Variants in LHCGR observed in about 807,000 individuals in gnomAD.
LHCGR encodes the protein lutropin-choriogonadotropic hormone receptor.
Under a neutral mutation model 60.7 loss-of-function variants are expected in LHCGR, and 55 were observed. The observed-to-expected ratio is 0.91, with a 90% CI of 0.73 to 1.13. LHCGR has a LOEUF of 1.13. Ranked by LOEUF, LHCGR falls within the 50% of genes most tolerant of loss-of-function variation. The pLI is 0.00. For synonymous variants in LHCGR, 337 were observed against 316.5 expected (o/e 1.06, Z -0.69); for missense variants, 862 against 836.0 (o/e 1.03, Z -0.38).
intron 1 of LHCGR, among the ~76,000 whole-genome samples, chr2:48,749,082 G>C (rs1035810845): frequency 4.6e-5 from 7 of 152,216 alleles, no homozygotes; most frequent in African/African-American, 1.7e-4. Flanking sequence ...TGTAACAGCA[G>C]CAAGGAATTA....
rs942146751 is a variant in LHCGR, at chr2:48,686,924, A to G, written c.*773T>C. The G allele has an allele frequency of 1.3e-5, 2 of 152,222 alleles. No individual in the cohort carries two copies. The highest frequency in any genetic ancestry group is 4.8e-5 in the African/African-American group (2 of 41,460). The allele number at this position is 152,222 out of a possible 1,614,324, so 9.4% of individuals were successfully genotyped here. On this transcript the variant is annotated 3_prime_UTR_variant, in exon 11 of 11. Coordinates refer to ENST00000294954, the MANE Select transcript of LHCGR (RefSeq NM_000233.4). Reference sequence around the variant, plus strand: ...TTGCCAAGATCTTGAGGTAGGAAGCAGGAAAACAAAATGCACTGAGACAGG... The same window carrying G: ...TTGCCAAGATCTTGAGGTAGGAAGCGGGAAAACAAAATGCACTGAGACAGG...
At chr2:48,747,000 A>G (rs1032739686) in intron 1 of LHCGR, among the ~76,000 whole-genome samples, 4 of 152,176 alleles carry the variant, frequency 2.6e-5, no homozygotes, top group African/African-American at 9.6e-5. Flanking sequence ...CCTCTTTCCC[A>G]ACACTTAAAA....
At chr2:48,705,483 A>G (rs1009111682) in intron 8 of LHCGR, among the ~76,000 whole-genome samples, 5 of 152,182 alleles carry the variant, frequency 3.3e-5, no homozygotes, top group African/African-American at 1.2e-4. Context: ...TAGTATTGAC[A>G]GTTGGATGTT....
At chr2:48,701,361 C>T (rs1572830608) in intron 8 of LHCGR, among the ~76,000 whole-genome samples, 3 of 152,280 alleles carry the variant, frequency 2.0e-5, no homozygotes, top group African/African-American at 7.2e-5. Context: ...TGCCACGTCT[C>T]TGTCCTTATA....
chr2:48,703,156 T>C (rs1460365366), intron 8 of LHCGR, among the ~76,000 whole-genome samples: 1 of 152,252 alleles, frequency 6.6e-6, no homozygotes, highest in Non-Finnish European at 1.5e-5. Flanking sequence ...AAGTTCTTTG[T>C]AGATTCTGGA....
intron 8 of LHCGR, among the ~76,000 whole-genome samples, chr2:48,701,730 G>T (rs1345709436): frequency 6.6e-6 from 1 of 152,182 alleles, no homozygotes; most frequent in Non-Finnish European, 1.5e-5. Flanking sequence ...GAAGGCAGAA[G>T]TGTTTGTCTC....
At chr2:48,714,733 C>T (rs1021661831) in intron 6 of LHCGR, among the ~76,000 whole-genome samples, 1 of 149,402 alleles carries the variant, frequency 6.7e-6, no homozygotes, top group African/African-American at 2.5e-5. Flanking sequence ...TGGTATATAC[C>T]TATAAATACA....
intron 9 of LHCGR, among the ~76,000 whole-genome samples, chr2:48,697,511 T>C (rs541664917): frequency 6.6e-6 from 1 of 152,252 alleles, no homozygotes; most frequent in Non-Finnish European, 1.5e-5. Flanking sequence ...TAATGGCACA[T>C]GACTCTGTGA....
rs1668980282 is a variant in LHCGR, at chr2:48,731,395, C to G, written c.162-97G>C. 8.3e-5 allele frequency: 64 copies of G among 773,840 alleles called. No individual in the cohort carries two copies. In the East Asian group the frequency reaches 1.6e-3, roughly 19 times the overall value. The allele number at this position is 773,840 out of a possible 1,614,324, so 47.9% of individuals were successfully genotyped here. On this transcript the variant is annotated intron_variant, in intron 1 of 10. Coordinates refer to ENST00000294954, the MANE Select transcript of LHCGR (RefSeq NM_000233.4). Reference sequence around the variant, plus strand: ...TGGGTATGTGTATGTGTGTGAGAGACAGAGACTTCAGAGTTCCCAAGAACT... The same window carrying G: ...TGGGTATGTGTATGTGTGTGAGAGAGAGAGACTTCAGAGTTCCCAAGAACT...
chr2:48,740,750 A>G (rs1487596924), intron 1 of LHCGR, among the ~76,000 whole-genome samples: 1 of 152,212 alleles, frequency 6.6e-6, no homozygotes, highest in Non-Finnish European at 1.5e-5. Flanking sequence ...GAAAAAACAG[A>G]GCAGAAAAAC....
chr2:48,743,635 AT>A (rs1367502137), intron 1 of LHCGR, among the ~76,000 whole-genome samples: 2 of 152,218 alleles, frequency 1.3e-5, no homozygotes, highest in African/African-American at 4.8e-5. Flanking sequence ...CTTTGACAAA[AT>A]TCAACAACCC....
chr2:48,702,064 G>C (rs1430618181), intron 8 of LHCGR, among the ~76,000 whole-genome samples: 2 of 142,602 alleles, frequency 1.4e-5, no homozygotes, highest in Non-Finnish European at 2.9e-5. Flanking sequence ...TGCTAGAGTA[G>C]GGTGTCGTGG....
At chr2:48,693,164 AG>A (rs1326594006) in intron 10 of LHCGR, among the ~76,000 whole-genome samples, 1 of 152,164 alleles carries the variant, frequency 6.6e-6, no homozygotes, top group Non-Finnish European at 1.5e-5. Flanking sequence ...AAGAGAGGGA[AG>A]GGTGAAGAAA....
chr2:48,737,511 T>A (rs183036462), intron 1 of LHCGR, among the ~76,000 whole-genome samples: 2 of 152,342 alleles, frequency 1.3e-5, no homozygotes, highest in East Asian at 3.9e-4. Flanking sequence ...ATAATAAACT[T>A]GCTTTCATCT....
At chr2:48,744,078 T>C in intron 1 of LHCGR, among the ~76,000 whole-genome samples, 1 of 78,840 alleles carries the variant, frequency 1.3e-5, no homozygotes, top group African/African-American at 7.0e-5. Context: ...AAATCATGAG[T>C]GAACTCCCAT....
intron 1 of LHCGR, among the ~76,000 whole-genome samples, chr2:48,745,439 A>G (rs994901632): frequency 8.5e-5 from 13 of 152,188 alleles, no homozygotes; most frequent in African/African-American, 3.1e-4. Flanking sequence ...AAGACTTGGA[A>G]CCAAGCCAAA....
intron 9 of LHCGR, among the ~76,000 whole-genome samples, chr2:48,696,053 GA>G (rs373660034): frequency 2.3e-4 from 34 of 144,790 alleles, no homozygotes; most frequent in African/African-American, 6.3e-4. Context: ...GAGGTCTACA[GA>G]AAAAAAAAAA....
chr2:48,749,018 G>A (rs1669832801), intron 1 of LHCGR, among the ~76,000 whole-genome samples: 1 of 152,228 alleles, frequency 6.6e-6, no homozygotes, highest in African/African-American at 2.4e-5. Flanking sequence ...CTCATGAGGT[G>A]CAATTAGGAA....
At chr2:48,732,213 C>T (rs991704702) in intron 1 of LHCGR, among the ~76,000 whole-genome samples, 1 of 152,160 alleles carries the variant, frequency 6.6e-6, no homozygotes, top group Non-Finnish European at 1.5e-5. Flanking sequence ...TATTGAGTAT[C>T]TACAATGGTT....
Sources: gnomAD v4.1 joint callset for allele counts (sites outside exome capture counted in the v4.1 genomes callset) on GRCh38, gnomAD v4.1.1 for gene constraint, MANE v1.5 for transcripts, NCBI Gene and HGNC (gene_info 2026-07-23, HGNC 2026-07-21) for gene names.